Variants in RBM20 observed in about 807,000 individuals in gnomAD.
RBM20 encodes RNA binding motif protein 20, also known as RNA-binding protein 20.
A neutral mutation model predicts 110.1 loss-of-function variants in RBM20; 51 were observed. That is an observed-to-expected ratio of 0.46 (90% CI 0.37 to 0.59). The LOEUF is 0.59. Among genes scored for constraint, RBM20 ranks in the 20% least tolerant of loss-of-function variants. The probability of loss-of-function intolerance (pLI) is 0.00; values close to 1 mark genes in which losing one functional copy is unlikely to be tolerated. For missense variants in RBM20, 1,512 were observed against 1,574.9 expected (o/e 0.96, Z 0.68); for synonymous variants, 589 against 618.2 (o/e 0.95, Z 0.70).
At chr10:110,708,523 T>A (rs1862875512) in intron 1 of RBM20, among the ~76,000 whole-genome samples, 1 of 152,200 alleles carries the variant, frequency 6.6e-6, no homozygotes, top group African/African-American at 2.4e-5. Context: ...TATTTACTAG[T>A]TTCTGGTAAA....
chr10:110,753,761 C>T (rs886563148), intron 1 of RBM20, among the ~76,000 whole-genome samples: 4 of 152,206 alleles, frequency 2.6e-5, no homozygotes, highest in Non-Finnish European at 4.4e-5. Flanking sequence ...TGCAGAGCTG[C>T]GCTCCATCTG....
intron 12 of RBM20, among the ~76,000 whole-genome samples, chr10:110,825,567 A>G (rs913812877): frequency 1.3e-5 from 2 of 152,242 alleles, no homozygotes; most frequent in Admixed American, 6.5e-5. Context: ...CACTACACAC[A>G]TAATGTTCTG....
intron 12 of RBM20, among the ~76,000 whole-genome samples, chr10:110,829,355 G>T (rs2135135237): frequency 6.6e-6 from 1 of 152,342 alleles, no homozygotes; most frequent in East Asian, 1.9e-4. Context: ...TCCATCCTTT[G>T]CAGAGAGGAA....
intron 10 of RBM20, among the ~76,000 whole-genome samples, chr10:110,820,686 A>G (rs1844896712): frequency 1.3e-5 from 2 of 152,262 alleles, no homozygotes; most frequent in African/African-American, 4.8e-5. Context: ...TCCTTGGAAC[A>G]GGGCCATCTT....
At chr10:110,767,103 G>A (rs1429885541) in intron 1 of RBM20, among the ~76,000 whole-genome samples, 16 of 123,904 alleles carry the variant, frequency 1.3e-4, no homozygotes, top group Non-Finnish European at 2.5e-4. Flanking sequence ...CTCCCTCCCG[G>A]ACGGGGCGGC....
chr10:110,809,085 G>A (rs1844731200), intron 7 of RBM20, among the ~76,000 whole-genome samples: 1 of 151,838 alleles, frequency 6.6e-6, no homozygotes, highest in Non-Finnish European at 1.5e-5. Context: ...GTGTGGTGGT[G>A]AGCCCCTGTA....
At chr10:110,835,835 C>T in intron 13 of RBM20, 33 bp from the exon 14 acceptor site, 2 of 1,548,596 alleles carry the variant, frequency 1.3e-6, no homozygotes, top group Non-Finnish European at 1.7e-6. Flanking sequence ...TACTAACATG[C>T]CCCTTCCTCC....
chr10:110,765,668 A>G (rs1424495215), intron 1 of RBM20, among the ~76,000 whole-genome samples: 6 of 152,172 alleles, frequency 3.9e-5, no homozygotes, highest in Non-Finnish European at 7.3e-5. Flanking sequence ...AGTAGCTTCA[A>G]CACATGTGGT....
chr10:110,747,315 G>A (rs888348282), intron 1 of RBM20, among the ~76,000 whole-genome samples: 4 of 149,812 alleles, frequency 2.7e-5, no homozygotes, highest in Non-Finnish European at 5.9e-5. Context: ...GGGTCATTCT[G>A]GCAGGGTAGC....
chr10:110,760,782 A>G (rs941976303), intron 1 of RBM20, among the ~76,000 whole-genome samples: 6 of 150,586 alleles, frequency 4.0e-5, no homozygotes, highest in Non-Finnish European at 7.4e-5. Flanking sequence ...TAATTTTAAA[A>G]TAGGTATGTT....
rs760246427 is a variant in RBM20 at position 110,758,014 on chromosome 10, CTTTTTT to C, written c.192-22768_192-22763del. ...AGAAAAGACAGGCAAGATCCTTGTT[CTTTTTT>C]TTTTTTTTTTTTTTTTTTGAGACAG... On this transcript the variant is annotated intron_variant, in intron 1 of 13. Transcript: ENST00000369519. 4.2e-3 allele frequency among the ~76,000 whole-genome samples: 338 copies of C among 79,906 alleles called. 3 individuals carry two copies. The highest frequency in any genetic ancestry group is 0.017 in the African/African-American group (320 of 19,182). 52.4% of individuals were successfully genotyped at this position (79,906 alleles called of 152,430 possible).
chr10:110,749,658 A>C (rs188624858), intron 1 of RBM20, among the ~76,000 whole-genome samples: 23 of 152,270 alleles, frequency 1.5e-4, no homozygotes, highest in African/African-American at 5.5e-4. Context: ...AAAAAGAATA[A>C]AAGGGTCAAG....
At chr10:110,711,967 T>C (rs1862937016) in intron 1 of RBM20, among the ~76,000 whole-genome samples, 2 of 152,194 alleles carry the variant, frequency 1.3e-5, no homozygotes. Context: ...AGTGGGAAAG[T>C]GCTAGCATTG....
chr10:110,705,598 A>G lies in RBM20; in HGVS notation c.191+60953A>G, dbSNP rs1448809261. ...AGTCTGGATTTGCATGAGCAACTAC[A>G]AATCCAAGAGTTCTCCAAATAAATT... On this transcript the variant is annotated intron_variant, in intron 1 of 13. Transcript: ENST00000369519. 3.9e-5 allele frequency among the ~76,000 whole-genome samples: 6 copies of G among 152,274 alleles called. No homozygotes were observed. The East Asian group carries it at 1.2e-3, about 29-fold the overall frequency.
Position 110,765,691 on chromosome 10 carries a change from G to A in RBM20, c.192-15110G>A, listed in dbSNP as rs142562939. Among the ~76,000 whole-genome samples the A allele has an allele frequency of 2.8e-3, 423 of 152,142 alleles. 2 individuals carry two copies. Among genetic ancestry groups the A allele is most frequent in the African/African-American group, 9.4e-3 (392 of 41,502 alleles). ...CAACACATGTGGTAGAGGAATACTA[G>A]TTTTCTGCTTGCAAGTGTGTAAAAG... On this transcript the variant is annotated intron_variant, in intron 1 of 13. Transcript: ENST00000369519.
At chr10:110,763,665 A>G (rs1322730501) in intron 1 of RBM20, among the ~76,000 whole-genome samples, 3 of 152,102 alleles carry the variant, frequency 2.0e-5, no homozygotes, top group South Asian at 2.1e-4. Flanking sequence ...GCTCCTCGGA[A>G]GAAAAGTTAC....
intron 13 of RBM20, among the ~76,000 whole-genome samples, chr10:110,832,681 C>T (rs1189043768): frequency 6.6e-6 from 1 of 152,208 alleles, no homozygotes; most frequent in Non-Finnish European, 1.5e-5. Context: ...TTCTGAATCA[C>T]TTTCCTCTTT....
At chr10:110,803,812 C>CAAAAAA (rs58202648) in intron 7 of RBM20, among the ~76,000 whole-genome samples, 12 of 57,166 alleles carry the variant, frequency 2.1e-4, no homozygotes, top group South Asian at 1.2e-3. Context: ...TTGGCTTAAG[C>CAAAAAA]AAAAAAAAAA....
In RBM20 at chr10:110,714,818, A is replaced by G. The variant is rs200051187; in HGVS notation, c.192-65983A>G. On this transcript the variant is annotated intron_variant, in intron 1 of 13. Coordinates refer to ENST00000369519, the MANE Select transcript of RBM20 (RefSeq NM_001134363.3). ...GACCTGGTTGGAGACCCAGCAGCTC[A>G]GGGTGGAGGCTCCAGCTGGCTTGAA... 4.6e-5 allele frequency among the ~76,000 whole-genome samples: 7 copies of G among 152,334 alleles called. No individual in the cohort carries two copies. In the East Asian group the frequency reaches 1.4e-3, roughly 29 times the overall value.
Sources: gnomAD v4.1 joint callset for allele counts (sites outside exome capture counted in the v4.1 genomes callset) on GRCh38, gnomAD v4.1.1 for gene constraint, MANE v1.5 for transcripts, NCBI Gene and HGNC (gene_info 2026-07-23, HGNC 2026-07-21) for gene names.